C8A: variants seen among roughly 807,000 people sequenced by gnomAD.
C8A encodes complement C8 alpha chain, also known as complement component C8 alpha chain.
C8A carries 67 observed loss-of-function variants against 65.3 expected under a neutral mutation model. That is an observed-to-expected ratio of 1.03 (90% CI 0.84 to 1.26). The LOEUF is 1.26. Among genes scored for constraint, C8A ranks in the 50% most tolerant of loss-of-function variants. The pLI, the probability that C8A is intolerant of heterozygous loss-of-function variation, is 0.00. For synonymous variants in C8A, 290 were observed against 259.4 expected, an observed-to-expected ratio of 1.12 and a Z score of -1.13; for missense variants, 781 against 723.9, an observed-to-expected ratio of 1.08 and a Z score of -0.90.
At chr1:56,857,329 CAT>C (rs1643986862) in intron 1 of C8A, among the ~76,000 whole-genome samples, 1 of 151,604 alleles carries the variant, frequency 6.6e-6, no homozygotes. Flanking sequence ...CACACACACA[CAT>C]CTAGAGTTAT....
chr1:56,880,753 C>T (rs1323178987), intron 4 of C8A, among the ~76,000 whole-genome samples: 2 of 152,114 alleles, frequency 1.3e-5, no homozygotes, highest in African/African-American at 4.8e-5. Flanking sequence ...TTTATTCAGT[C>T]CTTAATGTAT....
intron 2 of C8A, among the ~76,000 whole-genome samples, chr1:56,871,087 A>G (rs750560615): frequency 5.9e-5 from 9 of 152,222 alleles, no homozygotes; most frequent in Non-Finnish European, 1.2e-4. Flanking sequence ...GGCTTGCACC[A>G]TAATTCCCAG....
At position 56,912,384 on chromosome 1, in the gene C8A, G is replaced by A. The variant is rs774564281; in HGVS notation, c.1381-19G>A. On this transcript the variant is annotated intron_variant, in intron 9 of 10. Transcript: ENST00000361249. The stretch of plus-strand genomic sequence containing the variant: ...GATAGAGCCCAGGGAGGGGCCCTGT[G>A]TTCTTTCTGTGCCCACAGATGCAGC... 1 of 1,612,952 alleles carries A rather than the reference G, an allele frequency of 6.2e-7. No homozygotes were observed. Among genetic ancestry groups the A allele is most frequent in the South Asian group, 1.1e-5 (1 of 91,062 alleles).
At chr1:56,895,659 C>G (rs1174198231) in intron 7 of C8A, among the ~76,000 whole-genome samples, 1 of 152,112 alleles carries the variant, frequency 6.6e-6, no homozygotes, top group Non-Finnish European at 1.5e-5. Flanking sequence ...AACTTTTAAG[C>G]CAAGCACAGT....
chr1:56,893,922 A>G (rs1644368334), intron 7 of C8A, among the ~76,000 whole-genome samples: 1 of 152,198 alleles, frequency 6.6e-6, no homozygotes, highest in South Asian at 2.1e-4. Flanking sequence ...TTCCTCTTCT[A>G]AATGAGTCAA....
At chr1:56,871,664 C>G (rs1644148355) in intron 2 of C8A, among the ~76,000 whole-genome samples, 1 of 152,134 alleles carries the variant, frequency 6.6e-6, no homozygotes, top group African/African-American at 2.4e-5. Flanking sequence ...GTATATTTAA[C>G]TTCATAAACT....
chr1:56,861,645 G>A (rs542887927), intron 1 of C8A, among the ~76,000 whole-genome samples: 1 of 152,296 alleles, frequency 6.6e-6, no homozygotes, highest in South Asian at 2.1e-4. Context: ...CCATAGCAGA[G>A]AGCAAGTAAA....
At chr1:56,905,569 G>T (rs1049540871) in intron 7 of C8A, among the ~76,000 whole-genome samples, 3 of 152,184 alleles carry the variant, frequency 2.0e-5, no homozygotes, top group African/African-American at 7.2e-5. Context: ...CACAGAGTTT[G>T]CTGTTTAATG....
intron 10 of C8A, among the ~76,000 whole-genome samples, chr1:56,916,492 G>T (rs1644553898): frequency 6.6e-6 from 1 of 152,192 alleles, no homozygotes; most frequent in South Asian, 2.1e-4. Context: ...AGAGAGCCTT[G>T]CTGTGGCTGC....
rs528241727 is a variant in C8A at position 56,886,177 on chromosome 1, G to A, written c.1096+10G>A. On this transcript the variant is annotated intron_variant, in intron 7 of 10. Transcript: ENST00000361249. ...AAAATGGAATCCCTTGGTAAGTAAA[G>A]CAGAAGCTCTATGTACACAGTAGTC... 11 of 1,613,628 alleles carry A rather than the reference G, an allele frequency of 6.8e-6. No homozygotes were observed. In the South Asian group the frequency reaches 9.9e-5, roughly 14 times the overall value.
At chr1:56,889,813 C>T (rs1644330291) in intron 7 of C8A, among the ~76,000 whole-genome samples, 1 of 152,096 alleles carries the variant, frequency 6.6e-6, no homozygotes, top group Non-Finnish European at 1.5e-5. Flanking sequence ...CTTTAGATCA[C>T]ATGCTTCTCC....
At chr1:56,869,046 T>C (rs74989063) in intron 2 of C8A, among the ~76,000 whole-genome samples, 2 of 152,176 alleles carry the variant, frequency 1.3e-5, no homozygotes, top group African/African-American at 2.4e-5. Flanking sequence ...TTCAATAGTG[T>C]TTGGGAAACG....
intron 4 of C8A, among the ~76,000 whole-genome samples, chr1:56,877,293 G>A (rs560415492): frequency 1.3e-5 from 2 of 152,036 alleles, no homozygotes; most frequent in African/African-American, 2.4e-5. Context: ...CTAGTACACC[G>A]AGGTACCATC....
intron 7 of C8A, among the ~76,000 whole-genome samples, chr1:56,894,544 A>G (rs1471905699): frequency 6.6e-6 from 1 of 152,128 alleles, no homozygotes; most frequent in Non-Finnish European, 1.5e-5. Context: ...ATTATTGATC[A>G]TCTTATTCCA....
chr1:56,896,901 C>A (rs1251638753), intron 7 of C8A, among the ~76,000 whole-genome samples: 1 of 152,160 alleles, frequency 6.6e-6, no homozygotes, highest in African/African-American at 2.4e-5. Context: ...ATCATCTTAT[C>A]CAAGCCTTGT....
chr1:56,865,827 G>T (rs1325044979), intron 1 of C8A, among the ~76,000 whole-genome samples: 1 of 152,084 alleles, frequency 6.6e-6, no homozygotes, highest in Non-Finnish European at 1.5e-5. Flanking sequence ...ATATTAACAG[G>T]TTTGATGTTT....
chr1:56,867,799 G>GCTTAATCTCCATTT, intron 2 of C8A, 97 bp downstream of exon 2: 1 of 893,164 alleles, frequency 1.1e-6, no homozygotes, highest in Non-Finnish European at 1.9e-6. Context: ...CTAGGGGCCT[G>GCTTAATCTCCATTT]GGGAGAAATT....
intron 1 of C8A, among the ~76,000 whole-genome samples, chr1:56,861,471 C>A (rs1357519984): frequency 6.6e-6 from 1 of 152,116 alleles, no homozygotes; most frequent in Non-Finnish European, 1.5e-5. Flanking sequence ...CCACTCACTA[C>A]CACAAGAGCA....
intron 6 of C8A, 29 bp from the exon 7 acceptor site, chr1:56,885,898 T>C: frequency 6.2e-7 from 1 of 1,613,618 alleles, no homozygotes. Context: ...CTTTGTTCTT[T>C]TGCTTTATTC....
Sources: gnomAD v4.1 joint callset for allele counts (sites outside exome capture counted in the v4.1 genomes callset) on GRCh38, gnomAD v4.1.1 for gene constraint, MANE v1.5 for transcripts, NCBI Gene and HGNC (gene_info 2026-07-23, HGNC 2026-07-21) for gene names.